CSMD3: variants seen among roughly 807,000 people sequenced by gnomAD.
CSMD3 encodes the protein CUB and Sushi multiple domains 3.
Under a neutral mutation model 435.2 loss-of-function variants are expected in CSMD3, and 177 were observed. The observed-to-expected ratio is 0.41, with a 90% CI of 0.36 to 0.46. CSMD3 has a LOEUF of 0.46. CSMD3 is among the 20% of genes least tolerant of loss of function. The pLI, the probability that CSMD3 is intolerant of heterozygous loss-of-function variation, is 0.34. For missense variants in CSMD3, 4,265 were observed against 4,504.6 expected, an observed-to-expected ratio of 0.95 and a Z score of 1.52; for synonymous variants, 1,656 against 1,520.5, an observed-to-expected ratio of 1.09 and a Z score of -2.07.
Position 113,221,499 on chromosome 8 carries a change from T to C in CSMD3, c.515-47583A>G, listed in dbSNP as rs183240498. Among the ~76,000 whole-genome samples the C allele has an allele frequency of 2.8e-3, 430 of 151,450 alleles. 2 individuals are homozygous for C. The highest frequency in any genetic ancestry group is 4.6e-3 in the Admixed American group (69 of 15,102). Reference sequence around the variant, plus strand: ...CATGTTTTTATTTTTGCCATTTTTCTGTAAGTTTGAATTTATTTTTAAAAA... The same window carrying C: ...CATGTTTTTATTTTTGCCATTTTTCCGTAAGTTTGAATTTATTTTTAAAAA... On this transcript the variant is annotated intron_variant, in intron 3 of 70. Coordinates refer to ENST00000297405, the MANE Select transcript of CSMD3 (RefSeq NM_198123.2).
intron 10 of CSMD3, among the ~76,000 whole-genome samples, chr8:112,891,198 C>T (rs987363651): frequency 2.0e-5 from 3 of 151,488 alleles, no homozygotes; most frequent in Admixed American, 6.6e-5. Flanking sequence ...CAGCAGTTGT[C>T]GCATCACCTG....
rs1831876656 is a variant in CSMD3, at chr8:112,406,541, G to T, written c.5792C>A (p.Ser1931Tyr). ...VPNSLAQWNDSLPTCIVPCGG... is the reference protein window; with the variant it reads ...VPNSLAQWNDYLPTCIVPCGG... Reference sequence around the variant, plus strand: ...ATACTCACCAATACAAGTAGGTAAGGAATCATTCCACTGGGCCAAAGAATT... The same window carrying T: ...ATACTCACCAATACAAGTAGGTAAGTAATCATTCCACTGGGCCAAAGAATT... The change falls in exon 35 of 71, where the codon TCC becomes TAC. Residue 1931 changes from serine (S) to tyrosine (Y), a missense_variant. By Grantham distance (144) the Ser-to-Tyr change is moderately radical. This residue lies in a region of CSMD3 where 3,255 missense variants were observed against 3,380.2 expected (regional missense o/e 0.96). Coordinates refer to ENST00000297405, the MANE Select transcript of CSMD3 (RefSeq NM_198123.2). 23 of 1,607,342 alleles carry T rather than the reference G, an allele frequency of 1.4e-5. No individual in the cohort carries two copies. Among genetic ancestry groups the T allele is most frequent in the Non-Finnish European group, 2.0e-5 (23 of 1,174,896 alleles).
intron 1 of CSMD3, among the ~76,000 whole-genome samples, chr8:113,347,914 A>G (rs1184449641): frequency 6.6e-6 from 1 of 152,150 alleles, no homozygotes; most frequent in Non-Finnish European, 1.5e-5. Flanking sequence ...CAAAGGCGAG[A>G]TAATTATATT....
intron 13 of CSMD3, among the ~76,000 whole-genome samples, chr8:112,748,392 AG>A (rs2077489168): frequency 6.6e-6 from 1 of 152,202 alleles, no homozygotes; most frequent in Non-Finnish European, 1.5e-5. Context: ...TTTGTTACAT[AG>A]ATAAACAGGT....
At chr8:113,286,974 G>A (rs956133557) in intron 2 of CSMD3, among the ~76,000 whole-genome samples, 7 of 151,616 alleles carry the variant, frequency 4.6e-5, no homozygotes, top group African/African-American at 1.5e-4. Context: ...GAGAGAGAGA[G>A]AGAGATTTAT....
At chr8:112,732,894 G>C (rs184809658) in intron 13 of CSMD3, among the ~76,000 whole-genome samples, 1 of 151,958 alleles carries the variant, frequency 6.6e-6, no homozygotes, top group African/African-American at 2.4e-5. Context: ...CTAATATGTG[G>C]TTAATCACAA....
intron 4 of CSMD3, among the ~76,000 whole-genome samples, chr8:113,167,772 T>A: frequency 6.6e-6 from 1 of 152,192 alleles, no homozygotes; most frequent in East Asian, 1.9e-4. Flanking sequence ...CATGCTTAAC[T>A]TGCTTGTTCT....
At chr8:112,393,710 T>G (rs1374993125) in intron 35 of CSMD3, among the ~76,000 whole-genome samples, 1 of 152,170 alleles carries the variant, frequency 6.6e-6, no homozygotes, top group Non-Finnish European at 1.5e-5. Flanking sequence ...AATAACCATG[T>G]CAAAGTCACC....
chr8:112,906,467 C>CA (rs563973167), intron 10 of CSMD3, among the ~76,000 whole-genome samples: 6 of 150,928 alleles, frequency 4.0e-5, no homozygotes, highest in East Asian at 2.0e-4. Context: ...ACCAACCAAC[C>CA]AAAAAAACGT....
chr8:113,208,147 T>C (rs1013871145), intron 3 of CSMD3, among the ~76,000 whole-genome samples: 2 of 152,174 alleles, frequency 1.3e-5, no homozygotes, highest in African/African-American at 4.8e-5. Context: ...AATGAATGAA[T>C]GAAACCTTAC....
chr8:112,716,559 A>G (rs995625725), intron 13 of CSMD3, among the ~76,000 whole-genome samples: 1 of 152,186 alleles, frequency 6.6e-6, no homozygotes, highest in African/African-American at 2.4e-5. Flanking sequence ...TTTTCACATA[A>G]TGACAAAAAG....
intron 32 of CSMD3, among the ~76,000 whole-genome samples, chr8:112,439,685 AG>A (rs1383866385): frequency 6.6e-6 from 1 of 152,164 alleles, no homozygotes; most frequent in African/African-American, 2.4e-5. Flanking sequence ...CAATCATGGC[AG>A]GAGAAAGCAA....
intron 5 of CSMD3, among the ~76,000 whole-genome samples, chr8:113,032,428 CT>C (rs2087152990): frequency 6.6e-6 from 1 of 151,578 alleles, no homozygotes; most frequent in East Asian, 1.9e-4. Flanking sequence ...AGCAAAGACT[CT>C]GGTGGTATTT....
intron 63 of CSMD3, 81 bp from the exon 64 acceptor site, chr8:112,247,212 G>A (rs1278198960): frequency 2.4e-6 from 2 of 829,858 alleles, no homozygotes; most frequent in East Asian, 5.1e-5. Context: ...GTGAGAAAAT[G>A]TTATCAAGTG....
intron 4 of CSMD3, among the ~76,000 whole-genome samples, chr8:113,110,772 A>G (rs2090615558): frequency 6.6e-6 from 1 of 152,148 alleles, no homozygotes; most frequent in African/African-American, 2.4e-5. Flanking sequence ...ATGTTTAGGT[A>G]TTGTTGCAGT....
intron 3 of CSMD3, among the ~76,000 whole-genome samples, chr8:113,205,272 C>T (rs778812498): frequency 4.6e-5 from 7 of 152,076 alleles, no homozygotes; most frequent in Non-Finnish European, 8.8e-5. Flanking sequence ...CATGAGCCAC[C>T]GTGGCCGGCA....
chr8:112,533,816 T>C (rs1825778645), intron 27 of CSMD3, among the ~76,000 whole-genome samples: 1 of 152,052 alleles, frequency 6.6e-6, no homozygotes, highest in Admixed American at 6.6e-5. Flanking sequence ...CTGCAGAGTA[T>C]ACATACTTCT....
intron 1 of CSMD3, among the ~76,000 whole-genome samples, chr8:113,315,610 T>C (rs1034573241): frequency 4.0e-5 from 6 of 148,556 alleles, no homozygotes; most frequent in African/African-American, 1.5e-4. Flanking sequence ...ATTAAATATA[T>C]ATCTCAAATA....
At chr8:112,861,079 T>C (rs2080814746) in intron 10 of CSMD3, among the ~76,000 whole-genome samples, 1 of 151,866 alleles carries the variant, frequency 6.6e-6, no homozygotes, top group Non-Finnish European at 1.5e-5. Flanking sequence ...TCGCCTTGCA[T>C]AATATATACT....
Sources: allele counts gnomAD v4.1 joint callset (sites outside exome capture counted in the v4.1 genomes callset), GRCh38; gene constraint gnomAD v4.1.1; regional missense constraint gnomAD v4.1.1; transcripts MANE v1.5; gene names NCBI Gene and HGNC (gene_info 2026-07-23, HGNC 2026-07-21).